Variants in NDEL1 observed in about 807,000 individuals in gnomAD.
The protein encoded by NDEL1 is nudE neurodevelopment protein 1 like 1.
NDEL1 carries 9 observed loss-of-function variants against 45.7 expected under a neutral mutation model. The ratio of observed to expected loss-of-function variants is 0.20; its 90% CI spans 0.12 to 0.34. The LOEUF (loss-of-function observed/expected upper bound fraction) is 0.34. Ranked by LOEUF, NDEL1 falls within the 10% of genes least tolerant of loss-of-function variation. The pLI is 1.00. For synonymous variants in NDEL1, 133 were observed against 158.6 expected (o/e 0.84, Z 1.21); for missense variants, 306 against 406.2 (o/e 0.75, Z 2.12).
chr17:8,436,522 G>C (rs185640549), intron 1 of NDEL1: 8 of 152,530 alleles, frequency 5.2e-5, no homozygotes, highest in African/African-American at 1.7e-4. Flanking sequence ...GGGGGCGAGA[G>C]CGCGAGCAGC....
chr17:8,473,467 G>A (rs889271662), intron 3 of NDEL1, among the ~76,000 whole-genome samples: 2 of 152,162 alleles, frequency 1.3e-5, no homozygotes, highest in African/African-American at 2.4e-5. Flanking sequence ...GATTACAGGC[G>A]TGAGCACCAT....
At chr17:8,460,920 T>C (rs1911156579) in intron 8 of NDEL1, among the ~76,000 whole-genome samples, 1 of 152,246 alleles carries the variant, frequency 6.6e-6, no homozygotes, top group Non-Finnish European at 1.5e-5. Flanking sequence ...TATATTATTC[T>C]ACCTCAATTT....
At chr17:8,458,013 T>C (rs930240917) in intron 7 of NDEL1, among the ~76,000 whole-genome samples, 2 of 152,224 alleles carry the variant, frequency 1.3e-5, no homozygotes, top group African/African-American at 4.8e-5. Flanking sequence ...CCCCATTTAT[T>C]GTTAGCATTT....
At chr17:8,433,490 G>A (rs1439147607), upstream of NDEL1, among the ~76,000 whole-genome samples, 4 of 152,044 alleles carry the variant, frequency 2.6e-5, no homozygotes, top group African/African-American at 7.2e-5. Context: ...TTTATAAAGC[G>A]TCAATGATTC....
chr17:8,426,664 G>A (rs1328885698), intron 1 of NDEL1, among the ~76,000 whole-genome samples: 1 of 152,162 alleles, frequency 6.6e-6, no homozygotes, highest in Non-Finnish European at 1.5e-5. Flanking sequence ...GGAAAACCGT[G>A]AGGTTCCAGA....
chr17:8,443,643 G>A (rs1239044760), intron 1 of NDEL1, among the ~76,000 whole-genome samples: 1 of 152,132 alleles, frequency 6.6e-6, no homozygotes, highest in Non-Finnish European at 1.5e-5. Flanking sequence ...CTCTCTGAAT[G>A]CCTTGGGAGA....
At chr17:8,468,744 T>C (rs1911755920), downstream of NDEL1, among the ~76,000 whole-genome samples, 1 of 152,162 alleles carries the variant, frequency 6.6e-6, no homozygotes, top group Non-Finnish European at 1.5e-5. Context: ...ACGATGTGAA[T>C]CAAAACCCTA....
At chr17:8,466,854 C>T in intron 8 of NDEL1, 76 bp from the exon 9 acceptor site, 2 of 1,390,412 alleles carry the variant, frequency 1.4e-6, no homozygotes, top group Admixed American at 1.7e-5. Flanking sequence ...GATTAATTTC[C>T]TATTGTGTGT....
At chr17:8,414,225 A>G (rs1908489404) in intron 1 of NDEL1, among the ~76,000 whole-genome samples, 1 of 152,182 alleles carries the variant, frequency 6.6e-6, no homozygotes, top group African/African-American at 2.4e-5. Context: ...TTATTTCTAT[A>G]ATAATAAACA....
At chr17:8,428,863 C>CG (rs921258435) in intron 1 of NDEL1, among the ~76,000 whole-genome samples, 165 of 150,742 alleles carry the variant, frequency 1.1e-3, no homozygotes, top group Non-Finnish European at 1.9e-3. Flanking sequence ...TTAGTAGAGA[C>CG]GGGGTTTCAC....
At chr17:8,431,051 C>T (rs62065594), upstream of NDEL1, among the ~76,000 whole-genome samples, 5,786 of 152,252 alleles carry the variant, frequency 0.038, 138 homozygotes, top group Middle Eastern at 0.065. Context: ...GGGTCCAGGC[C>T]GCGTGGGAGG....
intron 1 of NDEL1, among the ~76,000 whole-genome samples, chr17:8,428,305 C>T (rs1181846026): frequency 6.7e-6 from 1 of 149,128 alleles, no homozygotes; most frequent in African/African-American, 2.5e-5. Context: ...CTTCTCGCCT[C>T]AAGGCTCAAG....
intron 7 of NDEL1, among the ~76,000 whole-genome samples, chr17:8,457,845 T>C (rs977921166): frequency 6.6e-6 from 1 of 152,230 alleles, no homozygotes; most frequent in Non-Finnish European, 1.5e-5. Context: ...TTACTATATA[T>C]GCGTTAATAT....
chr17:8,463,836 G>A (rs1453669034), intron 8 of NDEL1, among the ~76,000 whole-genome samples: 2 of 152,218 alleles, frequency 1.3e-5, no homozygotes, highest in African/African-American at 4.8e-5. Flanking sequence ...GGGGACGTGT[G>A]TAAGATCTGC....
chr17:8,433,818 G>C (rs1218929653), upstream of NDEL1, among the ~76,000 whole-genome samples: 1 of 151,416 alleles, frequency 6.6e-6, no homozygotes, highest in Non-Finnish European at 1.5e-5. Context: ...GCTTGGCCCT[G>C]TGCAAAAAAA....
chr17:8,430,069 A>G (rs976436446), intron 1 of NDEL1, among the ~76,000 whole-genome samples: 4 of 152,106 alleles, frequency 2.6e-5, no homozygotes, highest in Non-Finnish European at 5.9e-5. Flanking sequence ...GGGGGATTTG[A>G]TGAGTGCCTT....
chr17:8,460,075 A>C lies in NDEL1; in HGVS notation c.859A>C (p.Ile287Leu), dbSNP rs760627489. 2.5e-6 allele frequency: 4 copies of C among 1,614,164 alleles called. No individual in the cohort carries two copies. The highest frequency in any genetic ancestry group is 3.4e-6 in the Non-Finnish European group (4 of 1,180,032). ...AKDQASRKSY[I>L]SGNVNCGVLN... ...GGACCAAGCATCACGAAAATCCTAT[A>C]TTTCAGGGAATGTTAACTGTGGGGT... The change falls in exon 8 of 9, where the codon ATT (isoleucine) becomes CTT (leucine). Residue 287 changes from isoleucine (I) to leucine (L), a missense_variant. Physicochemically the swap from Ile to Leu is conservative, Grantham distance 5. Around this residue, in one of 3 missense-constraint regions of NDEL1, gnomAD observed 175 missense variants for 205.2 expected, o/e 0.85. Coordinates refer to ENST00000334527, the MANE Select transcript of NDEL1 (RefSeq NM_030808.5).
chr17:8,466,815 C>T (rs1285940956), intron 8 of NDEL1, 115 bp from the exon 9 acceptor site: 3 of 1,052,746 alleles, frequency 2.8e-6, no homozygotes, highest in Non-Finnish European at 4.3e-6. Flanking sequence ...CAGGACCCTA[C>T]AGCCTGCGAG....
downstream of NDEL1, among the ~76,000 whole-genome samples, chr17:8,472,028 C>T (rs1597568166): frequency 1.3e-5 from 2 of 152,184 alleles, no homozygotes; most frequent in African/African-American, 2.4e-5. Flanking sequence ...CACTTCCTAA[C>T]GATTCCAACC....
Sources: gnomAD v4.1 joint callset for allele counts (sites outside exome capture counted in the v4.1 genomes callset) on GRCh38, gnomAD v4.1.1 for gene constraint, gnomAD v4.1.1 regional missense constraint, MANE v1.5 for transcripts, NCBI Gene and HGNC (gene_info 2026-07-23, HGNC 2026-07-21) for gene names.